CFAP299: variants seen among roughly 807,000 people sequenced by gnomAD.
CFAP299 encodes cilia and flagella associated protein 299.
Under a neutral mutation model 27.0 loss-of-function variants are expected in CFAP299, and 21 were observed. That is an observed-to-expected ratio of 0.78 (90% CI 0.55 to 1.12). CFAP299 has a LOEUF of 1.12. Among genes scored for constraint, CFAP299 ranks in the 50% most tolerant of loss-of-function variants. The probability of loss-of-function intolerance (pLI) is 0.00; values close to 1 mark genes in which losing one functional copy is unlikely to be tolerated. For synonymous variants in CFAP299, 104 were observed against 98.1 expected (o/e 1.06, Z -0.36); for missense variants, 310 against 276.6 (o/e 1.12, Z -0.86).
chr4:80,482,049 A>G (rs1730593222), intron 2 of CFAP299, among the ~76,000 whole-genome samples: 1 of 152,064 alleles, frequency 6.6e-6, no homozygotes, highest in African/African-American at 2.4e-5. Context: ...AAAACTGGAT[A>G]GTAATAAAAA....
intron 3 of CFAP299, among the ~76,000 whole-genome samples, chr4:80,811,623 G>A (rs1272686156): frequency 6.6e-6 from 1 of 152,080 alleles, no homozygotes; most frequent in African/African-American, 2.4e-5. Flanking sequence ...TGGCCACTCA[G>A]GGAAGTATCC....
intron 3 of CFAP299, among the ~76,000 whole-genome samples, chr4:80,756,666 G>GT (rs753612680): frequency 6.6e-6 from 1 of 152,096 alleles, no homozygotes; most frequent in Non-Finnish European, 1.5e-5. Flanking sequence ...ACACTCATTT[G>GT]TTTATGAGTT....
chr4:80,817,373 T>A (rs533690690), intron 3 of CFAP299, among the ~76,000 whole-genome samples: 7 of 152,100 alleles, frequency 4.6e-5, no homozygotes, highest in Non-Finnish European at 1.0e-4. Flanking sequence ...TGTATTAATA[T>A]TAACATATGA....
chr4:80,423,535 G>A (rs545137518), intron 2 of CFAP299, among the ~76,000 whole-genome samples: 2 of 152,266 alleles, frequency 1.3e-5, no homozygotes, highest in African/African-American at 2.4e-5. Context: ...AACTGTGTGG[G>A]CTCCAGACCC....
At chr4:80,939,681 T>C (rs1257969120) in intron 4 of CFAP299, among the ~76,000 whole-genome samples, 1 of 152,208 alleles carries the variant, frequency 6.6e-6, no homozygotes, top group African/African-American at 2.4e-5. Flanking sequence ...GAACTTTATT[T>C]TGTTTCTTTG....
At chr4:80,686,142 T>G (rs1371006410) in intron 3 of CFAP299, among the ~76,000 whole-genome samples, 1 of 151,706 alleles carries the variant, frequency 6.6e-6, no homozygotes, top group African/African-American at 2.4e-5. Flanking sequence ...AAAAAAAAAA[T>G]TAATGCTATT....
chr4:80,467,216 A>C (rs1729749423), intron 2 of CFAP299, among the ~76,000 whole-genome samples: 1 of 152,230 alleles, frequency 6.6e-6, no homozygotes, highest in South Asian at 2.1e-4. Flanking sequence ...AGGTGAAAGT[A>C]TTTACACCAC....
intron 3 of CFAP299, among the ~76,000 whole-genome samples, chr4:80,635,613 T>A (rs1039781009): frequency 2.6e-5 from 4 of 152,216 alleles, no homozygotes; most frequent in Admixed American, 2.0e-4. Context: ...TTATTCTCTG[T>A]GTTTTATCCT....
chr4:80,937,327 T>TTTTTTTTTTTTTTTC (rs1736959688), intron 4 of CFAP299, among the ~76,000 whole-genome samples: 1 of 130,502 alleles, frequency 7.7e-6, no homozygotes, highest in African/African-American at 3.2e-5. Context: ...TTTTTTTTTT[T>TTTTTTTTTTTTTTTC]TTTTTTTGAG....
At chr4:80,699,450 G>A (rs1721325405) in intron 3 of CFAP299, among the ~76,000 whole-genome samples, 1 of 152,128 alleles carries the variant, frequency 6.6e-6, no homozygotes, top group African/African-American at 2.4e-5. Context: ...ACTGCACCAG[G>A]CAGTACCAGA....
chr4:80,917,848 A>T (rs1382434279), intron 4 of CFAP299, among the ~76,000 whole-genome samples: 1 of 152,172 alleles, frequency 6.6e-6, no homozygotes, highest in Non-Finnish European at 1.5e-5. Flanking sequence ...GTAGCAAACA[A>T]TTCAATGTTG....
In CFAP299 at chr4:80,411,543, CTTAT is replaced by C. The variant is rs199762365; in HGVS notation, c.242+48671_242+48674del. Among the ~76,000 whole-genome samples, 50 of 151,762 alleles carry C rather than the reference CTTAT, an allele frequency of 3.3e-4. 2 individuals carry two copies. In the East Asian group the frequency reaches 4.8e-3, roughly 15 times the overall value. ...TTTATTGTCTTTAGAAAAATTGTAC[CTTAT>C]TTATTTATTTAATAAACAACCTTTG... On this transcript the variant is annotated intron_variant, in intron 2 of 5. Transcript: ENST00000358105.
chr4:80,955,033 AAC>A (rs1363912375), intron 5 of CFAP299, among the ~76,000 whole-genome samples: 423 of 20,838 alleles, frequency 0.02, 147 homozygotes, highest in East Asian at 0.07. Flanking sequence ...AAAAAAAAAA[AAC>A]GCACACATGG....
At chr4:80,857,302 G>T (rs1731974244) in intron 3 of CFAP299, among the ~76,000 whole-genome samples, 1 of 152,128 alleles carries the variant, frequency 6.6e-6, no homozygotes, top group South Asian at 2.1e-4. Flanking sequence ...AGGAGATTTT[G>T]GGCTGAGACA....
At chr4:80,321,618 C>G in the CFAP299 span, among the ~76,000 whole-genome samples, 3 of 152,052 alleles carry the variant, frequency 2.0e-5, no homozygotes, top group African/African-American at 7.2e-5. Context: ...AAAGACTTGG[C>G]GAAGGTCATG....
At chr4:80,460,536 G>T (rs1000587293) in intron 2 of CFAP299, among the ~76,000 whole-genome samples, 28 of 152,098 alleles carry the variant, frequency 1.8e-4, no homozygotes, top group African/African-American at 5.6e-4. Context: ...AAAGTTGCAT[G>T]CTGAAGATGG....
intron 5 of CFAP299, among the ~76,000 whole-genome samples, chr4:80,959,986 G>C (rs545972234): frequency 6.6e-6 from 1 of 151,866 alleles, no homozygotes; most frequent in Admixed American, 6.6e-5. Context: ...TTATATGTGA[G>C]GAAACTGTTC....
chr4:80,356,181 C>T (rs1018854244), intron 1 of CFAP299, among the ~76,000 whole-genome samples: 4 of 151,734 alleles, frequency 2.6e-5, no homozygotes, highest in Non-Finnish European at 5.9e-5. Context: ...GTTCTCCATT[C>T]TGTTCCATTG....
Position 80,391,758 on chromosome 4 carries a change from A to T in CFAP299, c.242+28874A>T, listed in dbSNP as rs1471787182. Among the ~76,000 whole-genome samples the T allele has an allele frequency of 5.3e-5, 8 of 152,210 alleles. No homozygotes were observed. The East Asian group carries it at 1.5e-3, about 29-fold the overall frequency. On this transcript the variant is annotated intron_variant, in intron 2 of 5. Coordinates refer to ENST00000358105, the MANE Select transcript of CFAP299 (RefSeq NM_152770.3). ...TAAGATGGGACTACTGCTTGATCCC[A>T]GGAGTTTGAGACCAGCCTGGGCAAA...
Sources: allele counts gnomAD v4.1 joint callset (sites outside exome capture counted in the v4.1 genomes callset), GRCh38; gene constraint gnomAD v4.1.1; transcripts MANE v1.5; gene names NCBI Gene and HGNC (gene_info 2026-07-23, HGNC 2026-07-21).